ANK3: variants seen among roughly 807,000 people sequenced by gnomAD.
ANK3 encodes the protein ankyrin 3.
Under a neutral mutation model 370.9 loss-of-function variants are expected in ANK3, and 57 were observed. The observed-to-expected ratio is 0.15, with a 90% CI of 0.12 to 0.19. The LOEUF is 0.19. ANK3 is among the 10% of genes least tolerant of loss of function. ANK3 has a pLI of 1.00. For synonymous variants in ANK3, 1,929 were observed against 1,946.3 expected, an observed-to-expected ratio of 0.99 and a Z score of 0.23; for missense variants, 4,439 against 5,302.1, an observed-to-expected ratio of 0.84 and a Z score of 5.06.
intron 2 of ANK3, among the ~76,000 whole-genome samples, chr10:60,523,866 G>T (rs1327748344): frequency 1.3e-5 from 2 of 152,068 alleles, no homozygotes; most frequent in Non-Finnish European, 2.9e-5. Context: ...AATAAAAGTT[G>T]TTGTAAGATT....
intron 1 of ANK3, among the ~76,000 whole-genome samples, chr10:60,692,288 G>C (rs903089326): frequency 3.9e-5 from 6 of 152,182 alleles, no homozygotes; most frequent in African/African-American, 1.4e-4. Flanking sequence ...CTGACACCCA[G>C]CTGCTGTACA....
intron 1 of ANK3, among the ~76,000 whole-genome samples, chr10:60,729,093 G>A (rs954830572): frequency 6.6e-5 from 10 of 152,164 alleles, no homozygotes; most frequent in African/African-American, 1.7e-4. Flanking sequence ...TCAAAAGTAC[G>A]TGTTGTTTAA....
At chr10:60,486,544 C>A (rs531723157) in intron 2 of ANK3, among the ~76,000 whole-genome samples, 2 of 152,330 alleles carry the variant, frequency 1.3e-5, no homozygotes, top group Admixed American at 6.5e-5. Context: ...CATGCCACTG[C>A]ACTGCAGCCT....
At chr10:60,312,069 T>C (rs1027531558) in intron 1 of ANK3, among the ~76,000 whole-genome samples, 5 of 152,318 alleles carry the variant, frequency 3.3e-5, no homozygotes, top group Admixed American at 2.6e-4. Context: ...AATTCAGAGT[T>C]TGCGGGCAGG....
intron 42 of ANK3, among the ~76,000 whole-genome samples, chr10:60,052,904 G>C (rs2131901841): frequency 6.6e-6 from 1 of 152,122 alleles, no homozygotes; most frequent in South Asian, 2.1e-4. Context: ...AATGTTAGTT[G>C]TATAGATAAT....
At chr10:60,251,285 G>T (rs950603349) in intron 7 of ANK3, among the ~76,000 whole-genome samples, 2 of 152,140 alleles carry the variant, frequency 1.3e-5, no homozygotes, top group Non-Finnish European at 1.5e-5. Context: ...GGGGTGCATT[G>T]CTGGGGGATG....
At chr10:60,159,767 C>G (rs1298233576) in intron 23 of ANK3, among the ~76,000 whole-genome samples, 5 of 152,042 alleles carry the variant, frequency 3.3e-5, no homozygotes, top group Admixed American at 2.0e-4. Context: ...CAAGAGAAAC[C>G]TTGGAAACTA....
At chr10:60,372,715 C>T (rs901900200) in intron 1 of ANK3, among the ~76,000 whole-genome samples, 3 of 152,180 alleles carry the variant, frequency 2.0e-5, no homozygotes, top group African/African-American at 4.8e-5. Context: ...ACAGTCCCTT[C>T]CATCTCTAAG....
chr10:60,733,398 G>T (rs1351757805), exon 1 of ANK3: 2 of 1,181,602 alleles, frequency 1.7e-6, no homozygotes, highest in Admixed American at 4.2e-5. Flanking sequence ...CTCCAAACGT[G>T]GGACTTCTTG....
At chr10:60,334,345 C>A (rs1031349052) in intron 1 of ANK3, among the ~76,000 whole-genome samples, 3 of 152,080 alleles carry the variant, frequency 2.0e-5, no homozygotes, top group Non-Finnish European at 4.4e-5. Flanking sequence ...TAATAGCACC[C>A]AAAAGCCACC....
intron 30 of ANK3, among the ~76,000 whole-genome samples, chr10:60,085,718 C>T (rs950963029): frequency 2.7e-5 from 4 of 149,980 alleles, no homozygotes; most frequent in Non-Finnish European, 4.4e-5. Flanking sequence ...TGGGTTCAAG[C>T]GATTCTCCTG....
At chr10:60,556,787 T>C (rs933852512) in intron 2 of ANK3, among the ~76,000 whole-genome samples, 15 of 152,194 alleles carry the variant, frequency 9.9e-5, no homozygotes, top group Admixed American at 9.8e-4. Flanking sequence ...GGAAGTATAA[T>C]ACTAGGCCAT....
At chr10:60,337,218 A>C (rs189206999) in intron 1 of ANK3, among the ~76,000 whole-genome samples, 35 of 152,238 alleles carry the variant, frequency 2.3e-4, no homozygotes, top group Non-Finnish European at 3.2e-4. Context: ...CCAGATGATC[A>C]AGTAAAATAG....
chr10:60,181,335 C>T lies in ANK3; in HGVS notation c.2178G>A (p.Gln726=), dbSNP rs775139837. 2 of 1,614,020 alleles carry T rather than the reference C, an allele frequency of 1.2e-6. No homozygotes were observed. The highest frequency in any genetic ancestry group is 1.3e-5 in the African/African-American group (1 of 74,928). Residue 726 remains glutamine (Q), a synonymous_variant, in exon 18 of 44, where the codon CAG becomes CAA. Coordinates refer to ENST00000280772, the MANE Select transcript of ANK3 (RefSeq NM_020987.5). The part of the protein sequence containing the change: ...LVNQGAHVDA[Q]TKMGYTPLHV... ...GCAAGGGAGGGCCGTATACCTTTGTCTGGGCGTCCACATGAGCCCCTTGGT... is the reference window on the plus strand; with the variant it reads ...GCAAGGGAGGGCCGTATACCTTTGTTTGGGCGTCCACATGAGCCCCTTGGT...
At chr10:60,423,319 A>C (rs1034337566) in intron 2 of ANK3, among the ~76,000 whole-genome samples, 1 of 107,772 alleles carries the variant, frequency 9.3e-6, no homozygotes, top group Non-Finnish European at 2.0e-5. Flanking sequence ...AAAAGAAATA[A>C]AAAGAAAACA....
chr10:60,196,342 A>T, intron 15 of ANK3, 99 bp from the exon 16 acceptor site: 1 of 1,131,272 alleles, frequency 8.8e-7, no homozygotes, highest in Middle Eastern at 2.0e-4. Context: ...GACATAGGGC[A>T]TATTTACATT....
chr10:60,658,575 A>T (rs1455973160), intron 1 of ANK3, among the ~76,000 whole-genome samples: 2 of 152,114 alleles, frequency 1.3e-5, no homozygotes, highest in African/African-American at 2.4e-5. Flanking sequence ...GTTTTAAGCG[A>T]TTATAGCTTT....
intron 43 of ANK3, among the ~76,000 whole-genome samples, chr10:60,039,573 T>A (rs941068002): frequency 2.6e-5 from 4 of 152,202 alleles, no homozygotes; most frequent in Non-Finnish European, 5.9e-5. Context: ...TCTTTAATGA[T>A]CAAATACTAT....
intron 4 of ANK3, among the ~76,000 whole-genome samples, chr10:60,274,319 G>C (rs1393916424): frequency 6.6e-6 from 1 of 152,078 alleles, no homozygotes; most frequent in Non-Finnish European, 1.5e-5. Flanking sequence ...TTTTTGGTGA[G>C]TGTTTCATGG....
Sources: gnomAD v4.1 joint callset for allele counts (sites outside exome capture counted in the v4.1 genomes callset) on GRCh38, gnomAD v4.1.1 for gene constraint, MANE v1.5 for transcripts, NCBI Gene and HGNC (gene_info 2026-07-23, HGNC 2026-07-21) for gene names.